Variants in PACSIN2 observed in about 807,000 individuals in gnomAD.
The protein encoded by PACSIN2 is protein kinase C and casein kinase substrate in neurons protein 2.
In PACSIN2, 25 loss-of-function variants were observed where a neutral mutation model predicts 63.8. That is an observed-to-expected ratio of 0.39 (90% CI 0.29 to 0.55). The LOEUF is 0.55. PACSIN2 is among the 20% of genes least tolerant of loss of function. The pLI is 0.62. For missense variants in PACSIN2, 518 were observed against 646.9 expected, an observed-to-expected ratio of 0.80 and a Z score of 2.16; for synonymous variants, 255 against 256.2, an observed-to-expected ratio of 1.00 and a Z score of 0.05.
At chr22:42,967,931 C>T (rs529973801) in intron 1 of PACSIN2, among the ~76,000 whole-genome samples, 1 of 152,190 alleles carries the variant, frequency 6.6e-6, no homozygotes, top group Non-Finnish European at 1.5e-5. Context: ...AAATTAGGTA[C>T]TTTACTGAGT....
At chr22:42,980,261 C>G (rs1921991736) in intron 1 of PACSIN2, among the ~76,000 whole-genome samples, 1 of 152,146 alleles carries the variant, frequency 6.6e-6, no homozygotes, top group South Asian at 2.1e-4. Context: ...TGCCTATAAT[C>G]CCAGCACTTT....
rs113822836 is a variant in PACSIN2, at chr22:42,992,652, A to AC, written c.-78+22368_-78+22369insG. On this transcript the variant is annotated intron_variant, in intron 1 of 10. Transcript: ENST00000263246. Reference sequence around the variant, plus strand: ...GGCACACAAATGTTAATAGCACCTTATTTTTCTGTAACATCTTTTCACGAC... The same window carrying AC: ...GGCACACAAATGTTAATAGCACCTTACTTTTTCTGTAACATCTTTTCACGAC... 4.0e-3 allele frequency among the ~76,000 whole-genome samples: 605 copies of AC among 152,178 alleles called. 4 individuals are homozygous for AC. The highest frequency in any genetic ancestry group is 0.014 in the African/African-American group (584 of 41,526).
intron 1 of PACSIN2, among the ~76,000 whole-genome samples, chr22:42,946,694 G>A (rs893582358): frequency 3.3e-5 from 5 of 152,330 alleles, no homozygotes; most frequent in Middle Eastern, 3.4e-3. Context: ...ACACAGGCAT[G>A]CGCACACACA....
At chr22:42,976,302 T>C (rs1164044178) in intron 1 of PACSIN2, among the ~76,000 whole-genome samples, 2 of 152,170 alleles carry the variant, frequency 1.3e-5, no homozygotes, top group African/African-American at 4.8e-5. Context: ...GAATTCCTGG[T>C]TCCTATAGAG....
intron 2 of PACSIN2, among the ~76,000 whole-genome samples, chr22:42,898,073 A>C (rs950724234): frequency 1.3e-5 from 2 of 152,196 alleles, no homozygotes; most frequent in African/African-American, 4.8e-5. Context: ...GGAAGGAAGA[A>C]TTGAGAGCAG....
intron 1 of PACSIN2, among the ~76,000 whole-genome samples, chr22:42,978,888 T>C (rs1921881130): frequency 6.6e-6 from 1 of 152,192 alleles, no homozygotes; most frequent in Non-Finnish European, 1.5e-5. Flanking sequence ...TTCAAAACAA[T>C]TGTTTCTCCC....
At chr22:42,935,694 G>A (rs1021455997) in intron 1 of PACSIN2, among the ~76,000 whole-genome samples, 1 of 152,030 alleles carries the variant, frequency 6.6e-6, no homozygotes, top group Non-Finnish European at 1.5e-5. Flanking sequence ...AGAGACAAGG[G>A]CAACTTGAGA....
intron 1 of PACSIN2, among the ~76,000 whole-genome samples, chr22:42,915,883 A>G (rs531239438): frequency 2.2e-4 from 34 of 152,338 alleles, no homozygotes; most frequent in African/African-American, 7.9e-4. Flanking sequence ...AATCTAGCAA[A>G]GATATCCGAA....
At chr22:42,957,475 G>C (rs1298997586) in intron 1 of PACSIN2, among the ~76,000 whole-genome samples, 1 of 152,144 alleles carries the variant, frequency 6.6e-6, no homozygotes, top group Admixed American at 6.5e-5. Context: ...TCTAGGAACA[G>C]TCACCCACTG....
At chr22:42,952,581 T>C (rs909053186) in intron 1 of PACSIN2, among the ~76,000 whole-genome samples, 2 of 151,902 alleles carry the variant, frequency 1.3e-5, no homozygotes, top group African/African-American at 4.8e-5. Flanking sequence ...ATGGTCTCAG[T>C]CTCCTGACCT....
intron 1 of PACSIN2, among the ~76,000 whole-genome samples, chr22:42,971,828 GC>G (rs1921312269): frequency 6.7e-6 from 1 of 149,738 alleles, no homozygotes; most frequent in African/African-American, 2.5e-5. Context: ...CCGGCCAGCA[GC>G]CCCGTCCGGG....
intron 1 of PACSIN2, among the ~76,000 whole-genome samples, chr22:42,944,814 G>A (rs1006819588): frequency 1.3e-5 from 2 of 152,180 alleles, no homozygotes; most frequent in Non-Finnish European, 2.9e-5. Flanking sequence ...GGTGAGGACT[G>A]TAGCTGGGCG....
intron 10 of PACSIN2, among the ~76,000 whole-genome samples, chr22:42,875,511 A>C (rs1928545879): frequency 1.3e-5 from 2 of 151,608 alleles, no homozygotes; most frequent in African/African-American, 2.4e-5. Flanking sequence ...CTGGGACTAC[A>C]GGCATGTGCC....
intron 5 of PACSIN2, among the ~76,000 whole-genome samples, chr22:42,887,782 G>A (rs1228393139): frequency 6.6e-6 from 1 of 152,186 alleles, no homozygotes; most frequent in Non-Finnish European, 1.5e-5. Flanking sequence ...CACCTGCGGA[G>A]CATGTAATAG....
At chr22:42,901,705 A>G (rs748437205) in intron 2 of PACSIN2, among the ~76,000 whole-genome samples, 11 of 152,182 alleles carry the variant, frequency 7.2e-5, no homozygotes, top group Non-Finnish European at 1.6e-4. Context: ...CTTCTTGCTA[A>G]GCCATTTCTT....
intron 5 of PACSIN2, among the ~76,000 whole-genome samples, chr22:42,886,132 C>G (rs1372824227): frequency 6.6e-6 from 1 of 152,188 alleles, no homozygotes; most frequent in Admixed American, 6.5e-5. Context: ...TGGGCTGCCC[C>G]TGCCCTCAGC....
chr22:42,905,765 C>G (rs1373528047), intron 2 of PACSIN2, among the ~76,000 whole-genome samples: 2 of 152,216 alleles, frequency 1.3e-5, no homozygotes, highest in African/African-American at 4.8e-5. Context: ...CCGGCTGGCT[C>G]CCTGCAGTGC....
chr22:42,921,193 A>G (rs544136207), intron 1 of PACSIN2, among the ~76,000 whole-genome samples: 48 of 152,000 alleles, frequency 3.2e-4, no homozygotes, highest in Middle Eastern at 6.8e-3. Context: ...CCCTGTCTCT[A>G]CTAAAAATAC....
chr22:42,937,816 T>C lies in PACSIN2; in HGVS notation c.-77-25659A>G, dbSNP rs946524018. ...AGCAAAGTCCAGCATCCCTAGGGGG[T>C]CACACGATCTGAAGACCAGTCACAC... On this transcript the variant is annotated intron_variant, in intron 1 of 10. Transcript: ENST00000263246. Among the ~76,000 whole-genome samples the C allele has an allele frequency of 2.0e-5, 3 of 151,628 alleles. No homozygotes were observed. The East Asian group carries it at 5.8e-4, about 29-fold the overall frequency.
Sources: gnomAD v4.1 joint callset for allele counts (sites outside exome capture counted in the v4.1 genomes callset) on GRCh38, gnomAD v4.1.1 for gene constraint, MANE v1.5 for transcripts, NCBI Gene and HGNC (gene_info 2026-07-23, HGNC 2026-07-21) for gene names.